Variants in TFAP4 observed in about 807,000 individuals in gnomAD.
TFAP4 encodes the protein transcription factor AP-4.
A neutral mutation model predicts 40.4 loss-of-function variants in TFAP4; 7 were observed. That is an observed-to-expected ratio of 0.17 (90% CI 0.10 to 0.33). The LOEUF is 0.33. TFAP4 is among the 10% of genes least tolerant of loss of function. The pLI is 1.00. For missense variants in TFAP4, 374 were observed against 451.1 expected, an observed-to-expected ratio of 0.83 and a Z score of 1.55; for synonymous variants, 218 against 181.4, an observed-to-expected ratio of 1.20 and a Z score of -1.62.
Position 4,260,455 on chromosome 16 carries a change from C to T in TFAP4, c.666G>A (p.Gln222=). 6.3e-7 allele frequency: 1 copy of T among 1,581,890 alleles called. No homozygotes were observed. The highest frequency in any genetic ancestry group is 1.1e-5 in the South Asian group (1 of 87,400). Residue 222 remains glutamine (Q), a splice_region_variant and synonymous_variant, in exon 5 of 7, where the codon CAG becomes CAA. Coordinates refer to ENST00000204517, the MANE Select transcript of TFAP4 (RefSeq NM_003223.3). Reference sequence around the variant, plus strand: ...CCACTCCCGGGCGCCTCCTGCTCACCTGGGTCCGCAGCTGCTGCTGTTCCC... The same window carrying T: ...CCACTCCCGGGCGCCTCCTGCTCACTTGGGTCCGCAGCTGCTGCTGTTCCC... ...LEREQQQLRT[Q]LLPPPAPTHH...
chr16:4,270,785 G>A (rs937036196), intron 1 of TFAP4, among the ~76,000 whole-genome samples: 1 of 152,182 alleles, frequency 6.6e-6, no homozygotes, highest in Non-Finnish European at 1.5e-5. Flanking sequence ...ACCCTGCCCA[G>A]GATCAGGCCC....
In TFAP4 at chr16:4,258,275, G is replaced by A. The variant is rs749571092; in HGVS notation, c.823-26C>T. 6 of 1,538,894 alleles carry A rather than the reference G, an allele frequency of 3.9e-6. No homozygotes were observed. In the Admixed American group the frequency reaches 5.9e-5, roughly 15 times the overall value. On this transcript the variant is annotated intron_variant, in intron 6 of 6. Coordinates refer to ENST00000204517, the MANE Select transcript of TFAP4 (RefSeq NM_003223.3). ...CTGGACAGGGACGAACCACTGAGAAGGCTCGGCCGGGGATACATGGCCAGC... is the reference window on the plus strand; with the variant it reads ...CTGGACAGGGACGAACCACTGAGAAAGCTCGGCCGGGGATACATGGCCAGC...
At chr16:4,260,317 C>G (rs1433647857) in intron 5 of TFAP4, 72 bp from the exon 6 acceptor site, 1 of 1,511,404 alleles carries the variant, frequency 6.6e-7, no homozygotes, top group African/African-American at 1.4e-5. Context: ...TCATGCAGAG[C>G]TGGCCAATGT....
chr16:4,262,802 A>G, intron 1 of TFAP4, 101 bp from the exon 2 acceptor site: 1 of 1,340,416 alleles, frequency 7.5e-7, no homozygotes, highest in Admixed American at 2.0e-5. Context: ...GCTGCAAAAG[A>G]TGCCAGGCCA....
chr16:4,270,325 C>T (rs1165493093), intron 1 of TFAP4, among the ~76,000 whole-genome samples: 2 of 152,206 alleles, frequency 1.3e-5, no homozygotes, highest in Non-Finnish European at 2.9e-5. Flanking sequence ...CAGCACCGTG[C>T]CCTACAATCC....
At chr16:4,270,179 A>AC (rs2053030347) in intron 1 of TFAP4, among the ~76,000 whole-genome samples, 1 of 152,090 alleles carries the variant, frequency 6.6e-6, no homozygotes, top group Admixed American at 6.6e-5. Flanking sequence ...TCCGTCTCAA[A>AC]AAAAAAAAGA....
In TFAP4 at chr16:4,258,180, CGAT is replaced by C; in HGVS notation, c.889_891del (p.Ile297del). 1 of 1,613,564 alleles carries C rather than the reference CGAT, an allele frequency of 6.2e-7. No homozygotes were observed. Among genetic ancestry groups the C allele is most frequent in the Non-Finnish European group, 8.5e-7 (1 of 1,179,680 alleles). ...TCCGGGCAGCTGCGGACAGGCTTCA[CGAT>C]GACAGCTCGCCGCTGCTCCTCCTCC... On this transcript the variant is annotated inframe_deletion, in exon 7 of 7. Coordinates refer to ENST00000204517, the MANE Select transcript of TFAP4 (RefSeq NM_003223.3).
At chr16:4,272,571 C>T (rs907045525) in intron 1 of TFAP4, 87 bp downstream of exon 1, 1 of 1,010,356 alleles carries the variant, frequency 9.9e-7, no homozygotes, top group Non-Finnish European at 1.4e-6. Context: ...CGGCGCGGGC[C>T]ATGCGTGCGC....
intron 1 of TFAP4, among the ~76,000 whole-genome samples, chr16:4,268,255 C>A (rs1465120224): frequency 6.6e-6 from 1 of 152,150 alleles, no homozygotes; most frequent in Non-Finnish European, 1.5e-5. Context: ...GATGGTGAAA[C>A]CCCCTCTCTA....
At chr16:4,271,340 G>C (rs1207555565) in intron 1 of TFAP4, among the ~76,000 whole-genome samples, 2 of 152,214 alleles carry the variant, frequency 1.3e-5, no homozygotes, top group African/African-American at 2.4e-5. Context: ...AGACTGCCTC[G>C]GGCGGCAGAG....
rs377389684 is a variant in TFAP4, at chr16:4,258,082, C to A, written c.990G>T (p.Glu330Asp). The A allele has an allele frequency of 4.3e-6, 7 of 1,613,060 alleles. No homozygotes were observed. Among genetic ancestry groups the A allele is most frequent in the Non-Finnish European group, 5.9e-6 (7 of 1,179,822 alleles). ...DSDAMDQSRE[E>D]PSGDGELP ...AGGGAAGCTCCCCGTCCCCCGACGG[C>A]TCCTCCCGGCTCTGGTCCATGGCGT... The change falls in exon 7 of 7, where the codon GAG (glutamate) becomes GAT (aspartate). Residue 330 changes from glutamate (E) to aspartate (D), a missense_variant. Glu to Asp is a conservative substitution (Grantham distance 45). Coordinates refer to ENST00000204517, the MANE Select transcript of TFAP4 (RefSeq NM_003223.3).
chr16:4,262,490 G>A (rs374312620), intron 2 of TFAP4, 46 bp downstream of exon 2: 19 of 1,613,192 alleles, frequency 1.2e-5, no homozygotes, highest in Non-Finnish European at 1.5e-5. Flanking sequence ...CTCTCCCAGC[G>A]GGAACCTGCC....
At chr16:4,272,076 C>G (rs1271730399) in intron 1 of TFAP4, among the ~76,000 whole-genome samples, 1 of 151,024 alleles carries the variant, frequency 6.6e-6, no homozygotes, top group African/African-American at 2.4e-5. Context: ...CGCGCGGGCC[C>G]CTCGGGGTCC....
chr16:4,271,560 G>A (rs1005771085), intron 1 of TFAP4, among the ~76,000 whole-genome samples: 8 of 152,260 alleles, frequency 5.3e-5, no homozygotes, highest in Admixed American at 3.9e-4. Context: ...TTGGCTGTGT[G>A]TGGTCCTTGA....
chr16:4,262,098 C>A, intron 3 of TFAP4, 149 bp from the exon 4 acceptor site: 1 of 957,816 alleles, frequency 1.0e-6, no homozygotes. Flanking sequence ...CAGCCAAATG[C>A]CAGGAGAATG....
chr16:4,271,191 T>C (rs1033868100), intron 1 of TFAP4, among the ~76,000 whole-genome samples: 8 of 152,158 alleles, frequency 5.3e-5, no homozygotes, highest in Non-Finnish European at 1.0e-4. Context: ...AGCCTTAAGG[T>C]GGGGACCCCC....
chr16:4,262,668 C>A lies in TFAP4; in HGVS notation c.123G>T (p.Gln41His), dbSNP rs774934329. The A allele has an allele frequency of 1.2e-6, 2 of 1,610,648 alleles. No homozygotes were observed. The highest frequency in any genetic ancestry group is 1.3e-5 in the African/African-American group (1 of 74,906). The change falls in exon 2 of 7, where the codon CAG (glutamine) becomes CAT (histidine). Residue 41 changes from glutamine to histidine, a missense_variant. This residue lies in a region of TFAP4 where 51 missense variants were observed against 59.3 expected (regional missense o/e 0.86). Transcript: ENST00000204517. Reference sequence around the variant, plus strand: ...GCCGAATCCGCCGCTCCTGGTCCCGCTGAGTCTCGGGGGTTAGTGGAATGT... The same window carrying A: ...GCCGAATCCGCCGCTCCTGGTCCCGATGAGTCTCGGGGGTTAGTGGAATGT... Reference protein sequence around the residue: ...LANIPLTPETQRDQERRIRRE... With the variant: ...LANIPLTPETHRDQERRIRRE...
Position 4,272,833 on chromosome 16 carries a change from C to T in TFAP4, c.-87G>A. ...GGAAATCCGAATCAAAGGGCAGCGC[C>T]GGACGGAGGTGCAGAATCGGCCGGT... On this transcript the variant is annotated 5_prime_UTR_variant, in exon 1 of 7. Coordinates refer to ENST00000204517, the MANE Select transcript of TFAP4 (RefSeq NM_003223.3). 5.6e-6 allele frequency: 6 copies of T among 1,065,372 alleles called. No individual in the cohort carries two copies. The highest frequency in any genetic ancestry group is 5.0e-5 in the South Asian group (3 of 60,000). The allele number at this position is 1,065,372 out of a possible 1,614,324, so 66.0% of individuals were successfully genotyped here.
intron 3 of TFAP4, 25 bp from the exon 4 acceptor site, chr16:4,261,974 G>A (rs955504347): frequency 2.5e-6 from 4 of 1,583,518 alleles, no homozygotes; most frequent in Non-Finnish European, 3.4e-6. Flanking sequence ...GAGTCGGTCA[G>A]TGTGCCTGAC....
Sources: gnomAD v4.1 joint callset for allele counts (sites outside exome capture counted in the v4.1 genomes callset) on GRCh38, gnomAD v4.1.1 for gene constraint, gnomAD v4.1.1 regional missense constraint, MANE v1.5 for transcripts, NCBI Gene and HGNC (gene_info 2026-07-23, HGNC 2026-07-21) for gene names.